The following ZNF704 variants were observed in gnomAD, a reference collection of about 807,000 sequenced individuals.
The protein encoded by ZNF704 is zinc finger protein 704.
Under a neutral mutation model 44.7 loss-of-function variants are expected in ZNF704, and 10 were observed. The observed-to-expected ratio is 0.22, with a 90% CI of 0.14 to 0.38. ZNF704 has a LOEUF of 0.38. Among genes scored for constraint, ZNF704 ranks in the 10% least tolerant of loss-of-function variants. The probability of loss-of-function intolerance (pLI) is 1.00; values close to 1 mark genes in which losing one functional copy is unlikely to be tolerated. For synonymous variants in ZNF704, 211 were observed against 207.6 expected (o/e 1.02, Z -0.14); for missense variants, 390 against 545.5 (o/e 0.71, Z 2.84).
At chr8:80,738,576 T>C (rs1806704115) in intron 2 of ZNF704, among the ~76,000 whole-genome samples, 1 of 152,052 alleles carries the variant, frequency 6.6e-6, no homozygotes. Context: ...CAGAGTCTTT[T>C]TTTTTTTCTT....
At chr8:80,842,855 T>C (rs977269236) in intron 1 of ZNF704, among the ~76,000 whole-genome samples, 1 of 152,228 alleles carries the variant, frequency 6.6e-6, no homozygotes, top group Non-Finnish European at 1.5e-5. Context: ...TTCTTTGCCT[T>C]ATTCTATGTC....
In ZNF704 at chr8:80,634,176, T is replaced by G. The variant is rs913707928; in HGVS notation, c.*7190A>C. ...TTCTCGGAAGGCACGAGGCTGCTCT[T>G]TGCCAGCCCCTCATCACAGTGGCCA... On this transcript the variant is annotated 3_prime_UTR_variant, in exon 9 of 9. Coordinates refer to ENST00000327835, the MANE Select transcript of ZNF704 (RefSeq NM_001033723.3). 9 of 152,202 alleles carry G rather than the reference T, an allele frequency of 5.9e-5. No individual in the cohort carries two copies. The highest frequency in any genetic ancestry group is 2.2e-4 in the African/African-American group (9 of 41,448). The allele number at this position is 152,202 out of a possible 1,614,324, so 9.4% of individuals were successfully genotyped here.
chr8:80,692,790 G>C (rs1240016701), intron 3 of ZNF704, among the ~76,000 whole-genome samples: 1 of 152,300 alleles, frequency 6.6e-6, no homozygotes, highest in East Asian at 1.9e-4. Flanking sequence ...GTTGAATGGA[G>C]GGATGGGTGA....
intron 4 of ZNF704, among the ~76,000 whole-genome samples, chr8:80,672,419 GT>G (rs1211535184): frequency 6.6e-6 from 1 of 152,194 alleles, no homozygotes; most frequent in African/African-American, 2.4e-5. Context: ...ATTACTGGGT[GT>G]ATACCCAAAG....
intron 2 of ZNF704, among the ~76,000 whole-genome samples, chr8:80,811,600 A>G (rs1462236627): frequency 6.6e-6 from 1 of 152,242 alleles, no homozygotes; most frequent in Non-Finnish European, 1.5e-5. Flanking sequence ...GTTAGTGGCT[A>G]TCGAAAATAC....
At chr8:80,862,445 T>C (rs1185908579) in intron 1 of ZNF704, among the ~76,000 whole-genome samples, 1 of 151,756 alleles carries the variant, frequency 6.6e-6, no homozygotes, top group African/African-American at 2.4e-5. Flanking sequence ...GATATCTTTT[T>C]TGAATCAGAA....
chr8:80,843,990 T>TATAC (rs869102299), intron 1 of ZNF704, among the ~76,000 whole-genome samples: 9 of 145,408 alleles, frequency 6.2e-5, no homozygotes, highest in African/African-American at 2.3e-4. Flanking sequence ...TATATATATA[T>TATAC]ACACATACAC....
chr8:80,787,410 T>A (rs887717012), intron 2 of ZNF704, among the ~76,000 whole-genome samples: 6 of 152,118 alleles, frequency 3.9e-5, no homozygotes, highest in Non-Finnish European at 8.8e-5. Flanking sequence ...AGAAAAGCAA[T>A]AACACAAAAC....
intron 2 of ZNF704, among the ~76,000 whole-genome samples, chr8:80,790,981 A>G (rs1180670502): frequency 1.3e-5 from 2 of 152,110 alleles, no homozygotes; most frequent in African/African-American, 4.8e-5. Flanking sequence ...TGAATGAAGG[A>G]AGAAAGTGTC....
Position 80,630,728 on chromosome 8 carries a change from A to G in ZNF704, c.*10638T>C, listed in dbSNP as rs577880724. 10 of 152,304 alleles carry G rather than the reference A, an allele frequency of 6.6e-5. No homozygotes were observed. The highest frequency in any genetic ancestry group is 2.4e-4 in the African/African-American group (10 of 41,566). 9.4% of individuals were successfully genotyped at this position (152,304 alleles called of 1,614,324 possible). A position where few individuals can be genotyped will look rare whatever the true frequency, so the allele number is the denominator to read the frequency against. The stretch of plus-strand genomic sequence containing the variant: ...CTTATCCTGAGTTCTTCTTCTAAGT[A>G]TATAGGATTTTGATACGCAAAACAC... On this transcript the variant is annotated 3_prime_UTR_variant, in exon 9 of 9. Transcript: ENST00000327835.
At chr8:80,814,155 AG>A (rs1263750029) in intron 2 of ZNF704, 4 of 152,250 alleles carry the variant, frequency 2.6e-5, no homozygotes, top group Non-Finnish European at 5.9e-5. Flanking sequence ...CAGAGTAAGA[AG>A]GGAGACAGAA....
intron 2 of ZNF704, among the ~76,000 whole-genome samples, chr8:80,780,500 T>C (rs1807504981): frequency 6.6e-6 from 1 of 152,132 alleles, no homozygotes; most frequent in African/African-American, 2.4e-5. Flanking sequence ...AACCTGTGAA[T>C]GTGGCCTTAT....
At chr8:80,827,164 A>G (rs920653419) in intron 1 of ZNF704, among the ~76,000 whole-genome samples, 8 of 152,316 alleles carry the variant, frequency 5.3e-5, no homozygotes, top group African/African-American at 1.9e-4. Context: ...ATCATTGTAT[A>G]TTTAGAAAAC....
At chr8:80,774,527 G>A (rs1807378232) in intron 2 of ZNF704, among the ~76,000 whole-genome samples, 1 of 152,112 alleles carries the variant, frequency 6.6e-6, no homozygotes, top group East Asian at 1.9e-4. Flanking sequence ...TGTGTGTGGA[G>A]GTGAGTTCTG....
At chr8:80,707,104 A>T (rs142554259) in intron 2 of ZNF704, among the ~76,000 whole-genome samples, 2 of 152,198 alleles carry the variant, frequency 1.3e-5, no homozygotes, top group Non-Finnish European at 2.9e-5. Flanking sequence ...TTTTATAAAC[A>T]TGGAGACTTT....
At chr8:80,645,260 TAGG>T (rs1157428733) in intron 7 of ZNF704, 1 of 1,271,180 alleles carries the variant, frequency 7.9e-7, no homozygotes, top group Non-Finnish European at 1.1e-6. Context: ...TTGCCATATG[TAGG>T]AGGATAGACA....
At chr8:80,655,741 T>C (rs887098166) in intron 7 of ZNF704, among the ~76,000 whole-genome samples, 3 of 152,194 alleles carry the variant, frequency 2.0e-5, no homozygotes, top group African/African-American at 2.4e-5. Context: ...CTTGTAAGTT[T>C]TTCTCTTAAG....
chr8:80,642,955 TCTCAGGG>T, intron 8 of ZNF704, 73 bp downstream of exon 8: 5 of 934,872 alleles, frequency 5.3e-6, no homozygotes, highest in Non-Finnish European at 7.4e-6. Flanking sequence ...GAAGATCATT[TCTCAGGG>T]TTCTCTCTGC....
At position 80,640,045 on chromosome 8, in the gene ZNF704, G is replaced by A. The variant is rs1381751502; in HGVS notation, c.*1321C>T. 1 of 152,596 alleles carries A rather than the reference G, an allele frequency of 6.6e-6. No individual in the cohort carries two copies. Among genetic ancestry groups the A allele is most frequent in the African/African-American group, 2.4e-5 (1 of 41,424 alleles). 9.5% of individuals were successfully genotyped at this position (152,596 alleles called of 1,614,324 possible). A position where few individuals can be genotyped will look rare whatever the true frequency, so the allele number is the denominator to read the frequency against. On this transcript the variant is annotated 3_prime_UTR_variant, in exon 9 of 9. Transcript: ENST00000327835. ...AGTAAGTTACGAAGCCCAATAAATG[G>A]AACATAGTGCAAGCCCTGGCCCTAC...
Sources: allele counts gnomAD v4.1 joint callset (sites outside exome capture counted in the v4.1 genomes callset), GRCh38; gene constraint gnomAD v4.1.1; transcripts MANE v1.5; gene names NCBI Gene and HGNC (gene_info 2026-07-23, HGNC 2026-07-21).